The following HNRNPR variants were observed in gnomAD, a reference collection of about 807,000 sequenced individuals.
HNRNPR encodes the protein heterogeneous nuclear ribonucleoprotein R.
Under a neutral mutation model 70.3 loss-of-function variants are expected in HNRNPR, and 4 were observed. The observed-to-expected ratio is 0.06, with a 90% CI of 0.03 to 0.13. The LOEUF is 0.13. HNRNPR is among the 10% of genes least tolerant of loss of function. The pLI is 1.00. For synonymous variants in HNRNPR, 241 were observed against 267.6 expected (o/e 0.90, Z 0.97); for missense variants, 423 against 788.5 (o/e 0.54, Z 5.55).
rs973372889 is a variant in HNRNPR at position 23,320,892 on chromosome 1, C to T, written c.811+636G>A. Among the ~76,000 whole-genome samples the T allele has an allele frequency of 3.3e-5, 5 of 152,092 alleles. No homozygotes were observed. The South Asian group carries it at 1.0e-3, about 32-fold the overall frequency. On this transcript the variant is annotated intron_variant, in intron 7 of 10. Transcript: ENST00000302271. ...ATTTAAAAAAATCTGATCAGCCAGG[C>T]ACTGTGGCTCACGCCTGTAATCCCA...
At position 23,310,755 on chromosome 1, in the gene HNRNPR, G is replaced by A. The variant is rs775110238; in HGVS notation, c.1601C>T (p.Ala534Val). Residue 534 changes from alanine (A) to valine (V), a missense_variant, in exon 11 of 11, where the codon GCA (alanine) becomes GTA (valine). Ala to Val is a moderately conservative substitution (Grantham distance 64). Coordinates refer to ENST00000302271, the MANE Select transcript of HNRNPR (RefSeq NM_005826.5). The surrounding 1 kb of genome is among the most constrained non-coding windows in gnomAD (Gnocchi z 6.0). ...RGRAGYSQRG[A>V]PLGPPRGSRG... ...AGAGCCTCTTGGTGGTCCCAAAGGT[G>A]CCCCCCTCTGTGAATAGCCAGCTCT... 2.5e-6 allele frequency: 4 copies of A among 1,613,468 alleles called. No individual in the cohort carries two copies. The highest frequency in any genetic ancestry group is 2.2e-5 in the East Asian group (1 of 44,850).
rs1012583294 is a variant in HNRNPR, at chr1:23,307,820, T to C, written c.*2634A>G. 6 of 150,536 alleles carry C rather than the reference T, an allele frequency of 4.0e-5. No individual in the cohort carries two copies. Among genetic ancestry groups the C allele is most frequent in the African/African-American group, 1.5e-4 (6 of 40,856 alleles). The allele number at this position is 150,536 out of a possible 1,614,324, so 9.3% of individuals were successfully genotyped here. A position where few individuals can be genotyped will look rare whatever the true frequency, so the allele number is the denominator to read the frequency against. ...CACTTTACTGTAACAGGCTCATAAA[T>C]AAAGCCAAATCAATTAGCTTGGGGA... On this transcript the variant is annotated 3_prime_UTR_variant, in exon 11 of 11. Transcript: ENST00000302271.
chr1:23,307,293 A>G lies in HNRNPR; in HGVS notation c.*3161T>C, dbSNP rs759662276. The stretch of plus-strand genomic sequence containing the variant: ...AATGATGTAATGAGTTTCAAGAATA[A>G]TATTATATGGCTTTATGCTAGGAGT... On this transcript the variant is annotated 3_prime_UTR_variant, in exon 11 of 11. Coordinates refer to ENST00000302271, the MANE Select transcript of HNRNPR (RefSeq NM_005826.5). 6 of 152,104 alleles carry G rather than the reference A, an allele frequency of 3.9e-5. No homozygotes were observed. Among genetic ancestry groups the G allele is most frequent in the Non-Finnish European group, 8.8e-5 (6 of 67,968 alleles). 9.4% of individuals were successfully genotyped at this position (152,104 alleles called of 1,614,324 possible). A position where few individuals can be genotyped will look rare whatever the true frequency, so the allele number is the denominator to read the frequency against.
At chr1:23,323,520 A>G (rs747738786) in intron 6 of HNRNPR, 36 bp downstream of exon 6, 1 of 1,540,386 alleles carries the variant, frequency 6.5e-7, no homozygotes, top group Admixed American at 2.0e-5. Flanking sequence ...TTCCTCAAAT[A>G]GTGACTTGCT....
rs1264936559 is a variant in HNRNPR at position 23,304,973 on chromosome 1, G to A, written c.*5481C>T. The A allele has an allele frequency of 6.6e-6, 1 of 152,110 alleles. No individual in the cohort carries two copies. Among genetic ancestry groups the A allele is most frequent in the Non-Finnish European group, 1.5e-5 (1 of 68,012 alleles). The allele number at this position is 152,110 out of a possible 1,614,324, so 9.4% of individuals were successfully genotyped here. ...GTACAAGTCTACCTACATTATCGAAGAGGCTAGAGAAGTCCCTTTTGCCCA... is the reference window on the plus strand; with the variant it reads ...GTACAAGTCTACCTACATTATCGAAAAGGCTAGAGAAGTCCCTTTTGCCCA... On this transcript the variant is annotated 3_prime_UTR_variant, in exon 11 of 11. Transcript: ENST00000302271.
In HNRNPR at chr1:23,310,138, C is replaced by T. The variant is rs1334027143; in HGVS notation, c.*316G>A. On this transcript the variant is annotated 3_prime_UTR_variant, in exon 11 of 11. Transcript: ENST00000302271. This position sits in a 1 kb window ranked among gnomAD's most constrained non-coding sequence, Gnocchi z 6.0. ...TCCAAAAAAATGAAACTGTCCAAAA[C>T]CAAAGGTTCTGCAAAATCATGATTT... 2 of 207,524 alleles carry T rather than the reference C, an allele frequency of 9.6e-6. No homozygotes were observed. The highest frequency in any genetic ancestry group is 2.6e-4 in the East Asian group (2 of 7,828). The allele number at this position is 207,524 out of a possible 1,614,324, so 12.9% of individuals were successfully genotyped here. A position where few individuals can be genotyped will look rare whatever the true frequency, so the allele number is the denominator to read the frequency against.
intron 5 of HNRNPR, among the ~76,000 whole-genome samples, chr1:23,328,009 A>AG (rs1553157847): frequency 1.6e-4 from 25 of 151,564 alleles, no homozygotes; most frequent in East Asian, 5.8e-4. Flanking sequence ...AAAAAAAAAA[A>AG]AAAAGAAAAG....
chr1:23,341,696 G>A (rs1427625524), intron 1 of HNRNPR, among the ~76,000 whole-genome samples: 1 of 151,952 alleles, frequency 6.6e-6, no homozygotes. Context: ...AATACTAAGT[G>A]AGCTATAGTT....
chr1:23,343,059 CTTT>C (rs1021479623), intron 1 of HNRNPR, among the ~76,000 whole-genome samples: 8 of 152,220 alleles, frequency 5.3e-5, no homozygotes, highest in African/African-American at 1.9e-4. Flanking sequence ...TTTGAAAAGA[CTTT>C]TTATGTCATA....
intron 2 of HNRNPR, among the ~76,000 whole-genome samples, chr1:23,340,333 T>C (rs1454007625): frequency 6.7e-6 from 1 of 149,970 alleles, no homozygotes; most frequent in African/African-American, 2.4e-5. Context: ...AAGAAGCAGC[T>C]GTTACAACCA....
At chr1:23,316,541 T>C (rs1447913401) in intron 8 of HNRNPR, among the ~76,000 whole-genome samples, 1 of 152,212 alleles carries the variant, frequency 6.6e-6, no homozygotes, top group Non-Finnish European at 1.5e-5. Flanking sequence ...CTTTTGGTTT[T>C]CATGGGATTT....
In HNRNPR at chr1:23,340,919, G is replaced by A; in HGVS notation, c.90C>T (p.Tyr30=). The change falls in exon 2 of 11, where the codon TAC becomes TAT. Residue 30 remains tyrosine (Y), a synonymous_variant. Coordinates refer to ENST00000302271, the MANE Select transcript of HNRNPR (RefSeq NM_005826.5). ...GGAGGCCTGCCTCTATCAGTGTCTT[G>A]TAGTGTTCTGTGTGAGTTACACTGG... The part of the protein sequence containing the change: ...DTSSVTHTEH[Y]KTLIEAGLPQ... The A allele has an allele frequency of 6.2e-7, 1 of 1,613,284 alleles. No homozygotes were observed. Among genetic ancestry groups the A allele is most frequent in the Non-Finnish European group, 8.5e-7 (1 of 1,179,458 alleles).
In HNRNPR at chr1:23,308,940, C is replaced by A. The variant is rs1194683194; in HGVS notation, c.*1514G>T. On this transcript the variant is annotated 3_prime_UTR_variant, in exon 11 of 11. Coordinates refer to ENST00000302271, the MANE Select transcript of HNRNPR (RefSeq NM_005826.5). ...TTATCATTATAAAAACATTTGAGAA[C>A]CACGTAAGAATAAGATGGAGGGGAA... The A allele has an allele frequency of 6.6e-6, 1 of 151,966 alleles. No homozygotes were observed. Among genetic ancestry groups the A allele is most frequent in the South Asian group, 2.1e-4 (1 of 4,828 alleles). The allele number at this position is 151,966 out of a possible 1,614,324, so 9.4% of individuals were successfully genotyped here. A position where few individuals can be genotyped will look rare whatever the true frequency, so the allele number is the denominator to read the frequency against.
intron 2 of HNRNPR, among the ~76,000 whole-genome samples, 184 bp from the exon 3 acceptor site, chr1:23,338,792 T>C (rs1461162304): frequency 3.9e-5 from 6 of 152,072 alleles, no homozygotes; most frequent in Non-Finnish European, 5.9e-5. Context: ...AATATGAAAA[T>C]AAAGATAAAA....
chr1:23,317,924 G>A (rs985311023), intron 8 of HNRNPR, among the ~76,000 whole-genome samples: 1 of 151,800 alleles, frequency 6.6e-6, no homozygotes, highest in Non-Finnish European at 1.5e-5. Flanking sequence ...AGGTTGCAGT[G>A]AGCCGAGATC....
intron 4 of HNRNPR, among the ~76,000 whole-genome samples, chr1:23,335,308 C>T (rs1646425185): frequency 6.6e-6 from 1 of 152,238 alleles, no homozygotes; most frequent in Admixed American, 6.5e-5. Context: ...GGATGCATGC[C>T]TTCGGCCTTC....
chr1:23,310,312 C>T lies in HNRNPR; in HGVS notation c.*142G>A. The T allele has an allele frequency of 1.3e-6, 1 of 762,338 alleles. No homozygotes were observed. The highest frequency in any genetic ancestry group is 2.1e-6 in the Non-Finnish European group (1 of 469,446). The allele number at this position is 762,338 out of a possible 1,614,324, so 47.2% of individuals were successfully genotyped here. A position where few individuals can be genotyped will look rare whatever the true frequency, so the allele number is the denominator to read the frequency against. On this transcript the variant is annotated 3_prime_UTR_variant, in exon 11 of 11. Transcript: ENST00000302271. This position sits in a 1 kb window ranked among gnomAD's most constrained non-coding sequence, Gnocchi z 6.0. Reference sequence around the variant, plus strand: ...AAATAAAAAGACTTGAGTATATACACAATAGTGATTTCTTCAGCCCAATAC... The same window carrying T: ...AAATAAAAAGACTTGAGTATATACATAATAGTGATTTCTTCAGCCCAATAC...
chr1:23,323,691 C>T lies in HNRNPR; in HGVS notation c.540G>A (p.Glu180=), dbSNP rs140549444. ...GKIPRDLYED[E]LVPLFEKAGP... Reference sequence around the variant, plus strand: ...CGGCCTTCTCAAAAAGGGGCACCAACTCATCCTCATATAAATCCCTTGGTA... The same window carrying T: ...CGGCCTTCTCAAAAAGGGGCACCAATTCATCCTCATATAAATCCCTTGGTA... Residue 180 remains glutamate (E), a synonymous_variant, in exon 6 of 11, where the codon GAG becomes GAA. Coordinates refer to ENST00000302271, the MANE Select transcript of HNRNPR (RefSeq NM_005826.5). The T allele has an allele frequency of 9.6e-5, 155 of 1,614,030 alleles. No individual in the cohort carries two copies. The highest frequency in any genetic ancestry group is 1.2e-4 in the Non-Finnish European group (147 of 1,180,006).
At chr1:23,323,525 C>T in intron 6 of HNRNPR, 31 bp downstream of exon 6, 2 of 1,555,172 alleles carry the variant, frequency 1.3e-6, no homozygotes, top group South Asian at 1.2e-5. Context: ...CAAATAGTGA[C>T]TTGCTAAGAC....
Sources: allele counts gnomAD v4.1 joint callset (sites outside exome capture counted in the v4.1 genomes callset), GRCh38; gene constraint gnomAD v4.1.1; non-coding constraint Gnocchi (gnomAD v3.1); transcripts MANE v1.5; gene names NCBI Gene and HGNC (gene_info 2026-07-23, HGNC 2026-07-21).